Variants in SLC5A8 observed in about 807,000 individuals in gnomAD.
The protein encoded by SLC5A8 is solute carrier family 5 member 8.
In SLC5A8, 55 loss-of-function variants were observed where a neutral mutation model predicts 71.9. That is an observed-to-expected ratio of 0.77 (90% CI 0.62 to 0.96). The LOEUF is 0.96. Among genes scored for constraint, SLC5A8 ranks in the 40% least tolerant of loss-of-function variants. The probability of loss-of-function intolerance (pLI) is 0.00; values close to 1 mark genes in which losing one functional copy is unlikely to be tolerated. For missense variants in SLC5A8, 701 were observed against 745.3 expected, an observed-to-expected ratio of 0.94 and a Z score of 0.69; for synonymous variants, 307 against 276.1, an observed-to-expected ratio of 1.11 and a Z score of -1.11.
Position 101,167,467 on chromosome 12 carries a change from G to GAACCAGTGGACTT in SLC5A8, c.1320+616_1320+628dup, listed in dbSNP as rs563636761. On this transcript the variant is annotated intron_variant, in intron 11 of 14. Transcript: ENST00000536262. The stretch of plus-strand genomic sequence containing the variant: ...CTGAACTACATCTTATAGCCAGACT[G>GAACCAGTGGACTT]AACCAGTGGACTTTCTTCTGGGTTT... 5.9e-5 allele frequency among the ~76,000 whole-genome samples: 9 copies of GAACCAGTGGACTT among 152,324 alleles called. No individual in the cohort carries two copies. The South Asian group carries it at 1.7e-3, about 28-fold the overall frequency.
At chr12:101,195,986 C>T (rs994686385) in intron 3 of SLC5A8, among the ~76,000 whole-genome samples, 5 of 152,066 alleles carry the variant, frequency 3.3e-5, no homozygotes, top group South Asian at 4.1e-4. Flanking sequence ...TGAGCCACCG[C>T]GCCTGGCCGG....
intron 3 of SLC5A8, among the ~76,000 whole-genome samples, chr12:101,197,475 A>G (rs1213502506): frequency 6.6e-6 from 1 of 152,216 alleles, no homozygotes; most frequent in Non-Finnish European, 1.5e-5. Flanking sequence ...AGATCTAACT[A>G]CTACTAGTAA....
At chr12:101,162,536 T>A (rs746221007) in intron 12 of SLC5A8, among the ~76,000 whole-genome samples, 1 of 152,178 alleles carries the variant, frequency 6.6e-6, no homozygotes, top group Non-Finnish European at 1.5e-5. Context: ...ATGTGGTACA[T>A]ATACACCATG....
chr12:101,158,191 T>C (rs1238287127), intron 14 of SLC5A8, 58 bp downstream of exon 14: 1 of 1,180,528 alleles, frequency 8.5e-7, no homozygotes, highest in African/African-American at 1.6e-5. Flanking sequence ...CTAATTAGTG[T>C]TCTATCCAGG....
In SLC5A8 at chr12:101,190,526, C is replaced by T. The variant is rs1868846734; in HGVS notation, c.775G>A (p.Val259Ile). Residue 259 changes from valine (V) to isoleucine (I), a missense_variant, in exon 6 of 15, where the codon GTC becomes ATC. Val to Ile is a conservative substitution (Grantham distance 29, BLOSUM62 3). Coordinates refer to ENST00000536262, the MANE Select transcript of SLC5A8 (RefSeq NM_145913.5). Reference sequence around the variant, plus strand: ...TATCTCTGCACCTGGGATTGGTTGACACCGTAGATGCTGGTCCATGTGAAG... The same window carrying T: ...TATCTCTGCACCTGGGATTGGTTGATACCGTAGATGCTGGTCCATGTGAAG... The part of the protein sequence containing the change: ...GTFTWTSIYG[V>I]NQSQVQRYIS... The T allele has an allele frequency of 1.9e-6, 3 of 1,613,400 alleles. No individual in the cohort carries two copies. The highest frequency in any genetic ancestry group is 2.5e-6 in the Non-Finnish European group (3 of 1,179,748).
intron 10 of SLC5A8, among the ~76,000 whole-genome samples, 155 bp downstream of exon 10, chr12:101,179,874 G>A (rs1300554428): frequency 6.6e-6 from 1 of 151,946 alleles, no homozygotes; most frequent in African/African-American, 2.4e-5. Context: ...AAAACACAAA[G>A]TTTAATTAAA....
intron 13 of SLC5A8, among the ~76,000 whole-genome samples, chr12:101,159,230 CTT>C (rs146537979): frequency 0.018 from 2,681 of 152,212 alleles, 97 homozygotes; most frequent in African/African-American, 0.062. Flanking sequence ...AAATACTAGA[CTT>C]TTAATTATGG....
chr12:101,191,277 G>T (rs1337421515), intron 5 of SLC5A8, among the ~76,000 whole-genome samples: 2 of 152,268 alleles, frequency 1.3e-5, no homozygotes, highest in Middle Eastern at 3.4e-3. Context: ...ATGTTTGAAA[G>T]ATCTTTTAAT....
chr12:101,204,019 C>T (rs1217115268), intron 2 of SLC5A8, among the ~76,000 whole-genome samples: 2 of 152,194 alleles, frequency 1.3e-5, no homozygotes, highest in Non-Finnish European at 2.9e-5. Context: ...TTTAAAAGAG[C>T]ACTGACTTTT....
chr12:101,207,914 A>G (rs778390260), intron 1 of SLC5A8, among the ~76,000 whole-genome samples: 12 of 152,222 alleles, frequency 7.9e-5, no homozygotes, highest in Non-Finnish European at 1.5e-4. Context: ...CCAAAAAAAC[A>G]GTAACCATGA....
At chr12:101,204,384 A>G (rs551901695) in intron 2 of SLC5A8, 116 bp downstream of exon 2, 21 of 883,166 alleles carry the variant, frequency 2.4e-5, no homozygotes, top group Middle Eastern at 2.6e-4. Context: ...TTGTTCCCTC[A>G]TTTTTTCAAC....
At chr12:101,202,443 G>A (rs956992062) in intron 2 of SLC5A8, among the ~76,000 whole-genome samples, 18 of 151,918 alleles carry the variant, frequency 1.2e-4, no homozygotes, top group African/African-American at 4.3e-4. Context: ...TTTTGTGACC[G>A]GCTTATGTAA....
chr12:101,177,828 G>A (rs2051895192), intron 10 of SLC5A8, among the ~76,000 whole-genome samples: 1 of 152,140 alleles, frequency 6.6e-6, no homozygotes, highest in Non-Finnish European at 1.5e-5. Context: ...GGGGAACTGG[G>A]TAAGGATTTC....
chr12:101,166,779 A>G, intron 11 of SLC5A8, 80 bp from the exon 12 acceptor site: 1 of 1,286,794 alleles, frequency 7.8e-7, no homozygotes, highest in South Asian at 1.5e-5. Flanking sequence ...AGCCAAGTTC[A>G]ACATGGCACG....
intron 9 of SLC5A8, 50 bp from the exon 10 acceptor site, chr12:101,180,146 G>T: frequency 1.3e-6 from 2 of 1,555,280 alleles, no homozygotes; most frequent in Non-Finnish European, 1.8e-6. Context: ...CAGAGAATTA[G>T]AATTCTCAAT....
intron 3 of SLC5A8, among the ~76,000 whole-genome samples, chr12:101,196,875 CT>C (rs1249091190): frequency 3.3e-5 from 5 of 152,140 alleles, no homozygotes; most frequent in African/African-American, 1.2e-4. Flanking sequence ...ACTCAACAGC[CT>C]AATTAACTCA....
At position 101,202,221 on chromosome 12, in the gene SLC5A8, G is replaced by C; in HGVS notation, c.418-6C>G. 1 of 1,562,482 alleles carries C rather than the reference G, an allele frequency of 6.4e-7. No individual in the cohort carries two copies. The highest frequency in any genetic ancestry group is 8.6e-7 in the Non-Finnish European group (1 of 1,158,844). On this transcript the variant is annotated splice_region_variant and splice_polypyrimidine_tract_variant and intron_variant, in intron 2 of 14. Transcript: ENST00000536262. ...ACAATTCCAGTATACAGAATCTAGG[G>C]GGGAGAAAGAAAGCCAAATGAATTA...
At chr12:101,206,414 A>G (rs1043496493) in intron 1 of SLC5A8, among the ~76,000 whole-genome samples, 1 of 152,246 alleles carries the variant, frequency 6.6e-6, no homozygotes, top group Non-Finnish European at 1.5e-5. Flanking sequence ...TTCTAGGTAC[A>G]TGAATCCAAA....
chr12:101,207,070 T>C (rs546103539), intron 1 of SLC5A8, among the ~76,000 whole-genome samples: 5 of 152,326 alleles, frequency 3.3e-5, no homozygotes, highest in African/African-American at 1.2e-4. Flanking sequence ...ATAAACAATA[T>C]ACTCCACAGG....
Sources: gnomAD v4.1 joint callset for allele counts (sites outside exome capture counted in the v4.1 genomes callset) on GRCh38, gnomAD v4.1.1 for gene constraint, MANE v1.5 for transcripts, NCBI Gene and HGNC (gene_info 2026-07-23, HGNC 2026-07-21) for gene names.